EXOC4: variants seen among roughly 807,000 people sequenced by gnomAD.
EXOC4 encodes the protein SEC8-like 1.
A neutral mutation model predicts 107.2 loss-of-function variants in EXOC4; 71 were observed. The ratio of observed to expected loss-of-function variants is 0.66; its 90% CI spans 0.55 to 0.81. The LOEUF (loss-of-function observed/expected upper bound fraction) is 0.81, where lower values mean the gene tolerates loss of function less well. Ranked by LOEUF, EXOC4 falls within the 30% of genes least tolerant of loss-of-function variation. The pLI is 0.00. For missense variants in EXOC4, 1,108 were observed against 1,189.6 expected (o/e 0.93, Z 1.01); for synonymous variants, 456 against 441.2 (o/e 1.03, Z -0.42).
chr7:133,365,738 C>T (rs1796236349), intron 6 of EXOC4, among the ~76,000 whole-genome samples: 1 of 152,110 alleles, frequency 6.6e-6, no homozygotes. Flanking sequence ...ATTAAATGGG[C>T]TCCATGTCCT....
chr7:133,750,080 C>T (rs899595856), intron 10 of EXOC4, among the ~76,000 whole-genome samples: 5 of 146,656 alleles, frequency 3.4e-5, no homozygotes, highest in African/African-American at 1.3e-4. Flanking sequence ...AGGAATGGTA[C>T]AAGGCCTAAT....
intron 11 of EXOC4, among the ~76,000 whole-genome samples, chr7:133,820,145 A>T (rs1234282815): frequency 5.2e-5 from 7 of 134,006 alleles, no homozygotes; most frequent in Non-Finnish European, 1.1e-4. Flanking sequence ...GAGTTAACAC[A>T]CCTGCTTCAT....
intron 9 of EXOC4, among the ~76,000 whole-genome samples, chr7:133,596,933 T>A (rs1301260489): frequency 2.6e-5 from 4 of 152,186 alleles, no homozygotes; most frequent in Non-Finnish European, 5.9e-5. Context: ...AGCATCCAGC[T>A]ATCCAGAAGA....
intron 9 of EXOC4, among the ~76,000 whole-genome samples, chr7:133,571,741 A>G (rs1383642756): frequency 1.3e-5 from 2 of 152,062 alleles, no homozygotes; most frequent in Non-Finnish European, 2.9e-5. Flanking sequence ...TCTGAGACCA[A>G]GGTGCTGACA....
chr7:133,289,704 C>A (rs1013658918), intron 3 of EXOC4, among the ~76,000 whole-genome samples: 1 of 152,144 alleles, frequency 6.6e-6, no homozygotes, highest in Non-Finnish European at 1.5e-5. Flanking sequence ...TGTGGCTGAG[C>A]GTCAAGAAGA....
intron 8 of EXOC4, among the ~76,000 whole-genome samples, chr7:133,476,765 A>C (rs1216425337): frequency 6.6e-6 from 1 of 152,230 alleles, no homozygotes; most frequent in Non-Finnish European, 1.5e-5. Flanking sequence ...CAATAGATTG[A>C]ACTATAGGAA....
intron 14 of EXOC4, among the ~76,000 whole-genome samples, chr7:133,950,310 C>A (rs1227645184): frequency 6.6e-6 from 1 of 152,198 alleles, no homozygotes; most frequent in Admixed American, 6.5e-5. Flanking sequence ...CAAACAACAT[C>A]TCTTTCTATC....
intron 15 of EXOC4, among the ~76,000 whole-genome samples, chr7:134,002,439 A>G (rs1794550876): frequency 2.0e-5 from 3 of 152,166 alleles, no homozygotes; most frequent in African/African-American, 4.8e-5. Context: ...ATGTGACACT[A>G]AAAATACCAT....
At chr7:133,411,051 G>T (rs1797344115) in intron 7 of EXOC4, among the ~76,000 whole-genome samples, 1 of 152,114 alleles carries the variant, frequency 6.6e-6, no homozygotes, top group African/African-American at 2.4e-5. Flanking sequence ...TACATTGGAT[G>T]GGACTGTGAT....
At chr7:133,676,010 G>A (rs780863954) in intron 10 of EXOC4, among the ~76,000 whole-genome samples, 14 of 152,044 alleles carry the variant, frequency 9.2e-5, no homozygotes, top group Non-Finnish European at 1.5e-4. Flanking sequence ...AATGTCGTCT[G>A]CTTCATGAGC....
At chr7:133,387,972 G>C (rs565145116) in intron 7 of EXOC4, among the ~76,000 whole-genome samples, 14 of 151,402 alleles carry the variant, frequency 9.2e-5, no homozygotes, top group African/African-American at 3.4e-4. Context: ...ATGGGCTTTG[G>C]GGGGTTTGTT....
chr7:134,026,488 A>G (rs1346996647), intron 17 of EXOC4, among the ~76,000 whole-genome samples: 2 of 64,406 alleles, frequency 3.1e-5, no homozygotes, highest in Non-Finnish European at 5.8e-5. Flanking sequence ...AACATTTTCT[A>G]GAGAAAAGGA....
chr7:133,546,272 T>TTTTTC (rs1554470304), intron 9 of EXOC4, among the ~76,000 whole-genome samples: 1 of 148,896 alleles, frequency 6.7e-6, no homozygotes, highest in Non-Finnish European at 1.5e-5. Context: ...TTTTTTTTTT[T>TTTTTC]CCGAGATGGA....
chr7:133,269,334 A>G (rs1793810606), intron 1 of EXOC4, among the ~76,000 whole-genome samples: 1 of 152,322 alleles, frequency 6.6e-6, no homozygotes, highest in South Asian at 2.1e-4. Context: ...TTTGGAGTCA[A>G]ATATACTTAG....
chr7:133,840,490 T>A (rs2151248295), intron 11 of EXOC4, among the ~76,000 whole-genome samples: 1 of 144,634 alleles, frequency 6.9e-6, no homozygotes, highest in Non-Finnish European at 1.5e-5. Flanking sequence ...TATTTTTTAT[T>A]GTATTTTATT....
intron 17 of EXOC4, among the ~76,000 whole-genome samples, chr7:134,042,095 G>A (rs547287383): frequency 3.9e-5 from 6 of 152,150 alleles, no homozygotes; most frequent in South Asian, 4.2e-4. Context: ...CTCAGCGAGC[G>A]CCTGCCACAA....
chr7:133,620,592 G>T (rs1802306455), intron 9 of EXOC4, among the ~76,000 whole-genome samples: 1 of 152,138 alleles, frequency 6.6e-6, no homozygotes. Flanking sequence ...ATTAAATGTG[G>T]TGTATACATC....
intron 1 of EXOC4, among the ~76,000 whole-genome samples, chr7:133,263,514 G>A (rs1376837634): frequency 1.3e-5 from 2 of 150,860 alleles, no homozygotes; most frequent in Admixed American, 6.6e-5. Flanking sequence ...CCGGAGTAGC[G>A]AGGACTACAG....
intron 10 of EXOC4, among the ~76,000 whole-genome samples, chr7:133,758,417 G>A (rs1456706480): frequency 2.0e-5 from 3 of 152,186 alleles, no homozygotes; most frequent in Non-Finnish European, 4.4e-5. Flanking sequence ...GGGATTACAG[G>A]CATGAGCCAC....
Sources: gnomAD v4.1 joint callset for allele counts (sites outside exome capture counted in the v4.1 genomes callset) on GRCh38, gnomAD v4.1.1 for gene constraint, MANE v1.5 for transcripts, NCBI Gene and HGNC (gene_info 2026-07-23, HGNC 2026-07-21) for gene names.